SRRM3: variants seen among roughly 807,000 people sequenced by gnomAD.
The protein encoded by SRRM3 is serine/arginine repetitive matrix protein 3.
In SRRM3, 27 loss-of-function variants were observed where a neutral mutation model predicts 66.2. That is an observed-to-expected ratio of 0.41 (90% CI 0.30 to 0.56). The LOEUF (loss-of-function observed/expected upper bound fraction) is 0.56, where lower values mean the gene tolerates loss of function less well. Among genes scored for constraint, SRRM3 ranks in the 20% least tolerant of loss-of-function variants. SRRM3 has a pLI of 0.32. For missense variants in SRRM3, 918 were observed against 991.9 expected, an observed-to-expected ratio of 0.93 and a Z score of 1.00; for synonymous variants, 391 against 414.9, an observed-to-expected ratio of 0.94 and a Z score of 0.70.
Position 76,265,351 on chromosome 7 carries a change from C to T in SRRM3, c.726-13C>T, listed in dbSNP as rs2117070276. 2 of 1,584,742 alleles carry T rather than the reference C, an allele frequency of 1.3e-6. No individual in the cohort carries two copies. Among genetic ancestry groups the T allele is most frequent in the South Asian group, 2.3e-5 (2 of 86,550 alleles). ...GAATTGAGGTACAGGCTGATTTCCCCCATCCACGCCAGGCCTCACACAGAG... is the reference window on the plus strand; with the variant it reads ...GAATTGAGGTACAGGCTGATTTCCCTCATCCACGCCAGGCCTCACACAGAG... On this transcript the variant is annotated splice_polypyrimidine_tract_variant and intron_variant, in intron 9 of 14. Transcript: ENST00000611745.
At chr7:76,240,999 C>G (rs1167040341) in intron 2 of SRRM3, among the ~76,000 whole-genome samples, 1 of 152,002 alleles carries the variant, frequency 6.6e-6, no homozygotes, top group South Asian at 2.1e-4. Context: ...CAGGTTCAAG[C>G]GATTCGTCCT....
chr7:76,253,303 A>G (rs1319099454), intron 3 of SRRM3, among the ~76,000 whole-genome samples: 6 of 152,102 alleles, frequency 3.9e-5, no homozygotes, highest in Non-Finnish European at 7.4e-5. Flanking sequence ...CCTGACCAAC[A>G]TGGAGAAACC....
chr7:76,271,291 G>A (rs982535978), intron 11 of SRRM3, among the ~76,000 whole-genome samples: 1 of 152,000 alleles, frequency 6.6e-6, no homozygotes, highest in South Asian at 2.1e-4. Flanking sequence ...AACAGAACAA[G>A]ACTGTATCTC....
intron 1 of SRRM3, among the ~76,000 whole-genome samples, chr7:76,220,195 G>A (rs543637918): frequency 2.8e-4 from 42 of 152,326 alleles, no homozygotes; most frequent in Admixed American, 7.2e-4. Context: ...GATTGGCCCA[G>A]TCTCTGCCCT....
chr7:76,258,316 C>T (rs187613872), intron 3 of SRRM3, among the ~76,000 whole-genome samples: 21 of 152,130 alleles, frequency 1.4e-4, no homozygotes, highest in East Asian at 7.7e-4. Context: ...ACTCAGCCAG[C>T]GGGAGGGGGC....
chr7:76,229,508 T>C (rs1373266519), intron 1 of SRRM3, among the ~76,000 whole-genome samples: 2 of 152,146 alleles, frequency 1.3e-5, no homozygotes, highest in African/African-American at 4.8e-5. Flanking sequence ...ATTCTTATAA[T>C]CTTCCCCCTC....
At chr7:76,271,931 C>A (rs1048320715) in intron 11 of SRRM3, among the ~76,000 whole-genome samples, 8 of 152,226 alleles carry the variant, frequency 5.3e-5, no homozygotes, top group African/African-American at 1.9e-4. Flanking sequence ...ATGATTGTTT[C>A]TTCTGTGACT....
chr7:76,223,668 C>CT (rs1800777840), intron 1 of SRRM3, among the ~76,000 whole-genome samples: 1 of 152,152 alleles, frequency 6.6e-6, no homozygotes, highest in African/African-American at 2.4e-5. Flanking sequence ...TGCCCACCTG[C>CT]TGTCACCACA....
chr7:76,246,933 T>C (rs1227215844), intron 2 of SRRM3, among the ~76,000 whole-genome samples: 1 of 152,270 alleles, frequency 6.6e-6, no homozygotes, highest in African/African-American at 2.4e-5. Flanking sequence ...CCTTAGCTTC[T>C]ACATCTGTGA....
rs1357689100 is a variant in SRRM3, at chr7:76,286,336, TG to T, written c.*496del. 2 of 162,210 alleles carry T rather than the reference TG, an allele frequency of 1.2e-5. No homozygotes were observed. Among genetic ancestry groups the T allele is most frequent in the African/African-American group, 4.8e-5 (2 of 41,624 alleles). 10.0% of individuals were successfully genotyped at this position (162,210 alleles called of 1,614,324 possible). On this transcript the variant is annotated 3_prime_UTR_variant, in exon 15 of 15. Transcript: ENST00000611745. The stretch of plus-strand genomic sequence containing the variant: ...GCAGACGAGGAGGTGGTACAGCACA[TG>T]GGTTTGGAGCTAGACAGAAGGAAGA...
intron 10 of SRRM3, among the ~76,000 whole-genome samples, chr7:76,266,797 C>T (rs1309515777): frequency 3.3e-5 from 5 of 150,106 alleles, no homozygotes; most frequent in African/African-American, 7.4e-5. Context: ...CTCAGCCACC[C>T]GAGTAGCTGA....
chr7:76,219,389 C>T (rs1800656912), intron 1 of SRRM3, among the ~76,000 whole-genome samples: 1 of 152,232 alleles, frequency 6.6e-6, no homozygotes, highest in African/African-American at 2.4e-5. Flanking sequence ...GTGGACTCCT[C>T]TGGAGGCAGC....
Position 76,235,302 on chromosome 7 carries a change from G to C in SRRM3, c.233+3G>C, listed in dbSNP as rs563902148. The C allele has an allele frequency of 5.1e-5, 76 of 1,504,608 alleles. No individual in the cohort carries two copies. Among genetic ancestry groups the C allele is most frequent in the Middle Eastern group, 4.3e-4 (2 of 4,676 alleles). The allele number at this position is 1,504,608 out of a possible 1,614,324, so 93.2% of individuals were successfully genotyped here. Reference sequence around the variant, plus strand: ...CAGGAGATGATGGAGGAGCAGGGGTGAGCAGGCCGCGGGGCGGGACTGGGG... The same window carrying C: ...CAGGAGATGATGGAGGAGCAGGGGTCAGCAGGCCGCGGGGCGGGACTGGGG... On this transcript the variant is annotated splice_donor_region_variant and intron_variant, in intron 2 of 14. Transcript: ENST00000611745.
chr7:76,283,508 T>TCTC (rs1563643922), intron 14 of SRRM3: 1 of 460,678 alleles, frequency 2.2e-6, no homozygotes, highest in Non-Finnish European at 4.3e-6. Context: ...TGTCTCCTTT[T>TCTC]CTCCTTCATC....
rs1264310538 is a variant in SRRM3, at chr7:76,282,632, C to G, written c.1371-16C>G. 7.1e-7 allele frequency: 1 copy of G among 1,405,348 alleles called. No individual in the cohort carries two copies. The allele number at this position is 1,405,348 out of a possible 1,614,324, so 87.1% of individuals were successfully genotyped here. A position where few individuals can be genotyped will look rare whatever the true frequency, so the allele number is the denominator to read the frequency against. ...CGGGTCGCTGAGCCCTATCCCGCGC[C>G]GTCTCCCTCCTCCAGGGCCAAGGAG... On this transcript the variant is annotated splice_polypyrimidine_tract_variant and intron_variant, in intron 12 of 14. Transcript: ENST00000611745.
chr7:76,276,085 A>AATAT (rs10549356), intron 11 of SRRM3, among the ~76,000 whole-genome samples: 24 of 148,092 alleles, frequency 1.6e-4, no homozygotes, highest in Admixed American at 2.7e-4. Flanking sequence ...CATCTCAAAA[A>AATAT]ATATATATAT....
chr7:76,260,059 G>C, intron 4 of SRRM3, 25 bp downstream of exon 4: 1 of 1,481,060 alleles, frequency 6.8e-7, no homozygotes, highest in Non-Finnish European at 8.9e-7. Flanking sequence ...CGGCGGGGGT[G>C]GGGGGCGCGC....
At chr7:76,243,105 C>T (rs1276071627) in intron 2 of SRRM3, among the ~76,000 whole-genome samples, 1 of 152,150 alleles carries the variant, frequency 6.6e-6, no homozygotes, top group East Asian at 1.9e-4. Context: ...CACATTTCAA[C>T]ATGAGATTGG....
At chr7:76,229,038 AC>A (rs1800950391) in intron 1 of SRRM3, among the ~76,000 whole-genome samples, 2 of 151,880 alleles carry the variant, frequency 1.3e-5, no homozygotes, top group African/African-American at 4.8e-5. Context: ...AGCTGGGACG[AC>A]AGGCACCTGC....
Sources: allele counts gnomAD v4.1 joint callset (sites outside exome capture counted in the v4.1 genomes callset), GRCh38; gene constraint gnomAD v4.1.1; transcripts MANE v1.5; gene names NCBI Gene and HGNC (gene_info 2026-07-23, HGNC 2026-07-21).